ZNF804B: variants seen among roughly 807,000 people sequenced by gnomAD.
The protein encoded by ZNF804B is zinc finger 804B.
In ZNF804B, 80 loss-of-function variants were observed where a neutral mutation model predicts 101.4. That is an observed-to-expected ratio of 0.79 (90% CI 0.66 to 0.95). The LOEUF is 0.95. Ranked by LOEUF, ZNF804B falls within the 40% of genes least tolerant of loss-of-function variation. The pLI is 0.00. For missense variants in ZNF804B, 1,673 were observed against 1,561.9 expected (o/e 1.07, Z -1.20); for synonymous variants, 622 against 558.8 (o/e 1.11, Z -1.59).
chr7:89,335,701 C>T lies in ZNF804B; in HGVS notation c.2719C>T (p.Pro907Ser), dbSNP rs760301046. 6 of 1,613,808 alleles carry T rather than the reference C, an allele frequency of 3.7e-6. No homozygotes were observed. The Admixed American group carries it at 6.7e-5, about 18-fold the overall frequency. ...SCLLKNCSSG[P>S]SETTESNTAE... ...CCTTCTAAAGAACTGTTCCAGTGGC[C>T]CTTCAGAAACCACAGAATCAAACAC... Residue 907 changes from proline to serine, a missense_variant, in exon 4 of 4, where the codon CCT becomes TCT. Pro to Ser is a moderately conservative substitution (Grantham distance 74). Coordinates refer to ENST00000333190, the MANE Select transcript of ZNF804B (RefSeq NM_181646.5).
At chr7:89,313,421 A>G (rs1182820637) in intron 2 of ZNF804B, among the ~76,000 whole-genome samples, 1 of 152,206 alleles carries the variant, frequency 6.6e-6, no homozygotes, top group Non-Finnish European at 1.5e-5. Flanking sequence ...TTCACTTCAC[A>G]TGTGTGTTCT....
At chr7:88,868,947 G>C (rs188584469) in intron 1 of ZNF804B, among the ~76,000 whole-genome samples, 5 of 152,242 alleles carry the variant, frequency 3.3e-5, no homozygotes, top group Admixed American at 1.3e-4. Flanking sequence ...ATTTTTAGTG[G>C]AGTGAGAAGA....
intron 1 of ZNF804B, among the ~76,000 whole-genome samples, chr7:88,863,835 GGAA>G (rs1583983669): frequency 2.0e-5 from 3 of 152,190 alleles, no homozygotes; most frequent in Non-Finnish European, 4.4e-5. Flanking sequence ...CATGGCAGTT[GGAA>G]GAAGAAGACC....
chr7:88,944,686 T>G (rs1793101867), intron 1 of ZNF804B, among the ~76,000 whole-genome samples: 1 of 151,916 alleles, frequency 6.6e-6, no homozygotes, highest in South Asian at 2.1e-4. Flanking sequence ...CCAGAGTCAT[T>G]TAAAATATAC....
In ZNF804B at chr7:89,246,289, G is replaced by A. The variant is rs557664773; in HGVS notation, c.249+27994G>A. ...TAAGACTTGCAGCCAGGAGCAGTTT[G>A]TCAACCTGGAACTGTCATTTTTCAG... On this transcript the variant is annotated intron_variant, in intron 2 of 3. Transcript: ENST00000333190. 6.6e-5 allele frequency among the ~76,000 whole-genome samples: 10 copies of A among 152,296 alleles called. No individual in the cohort carries two copies. The South Asian group carries it at 2.1e-3, about 32-fold the overall frequency.
rs374312376 is a variant in ZNF804B at position 89,226,041 on chromosome 7, CAT to C, written c.249+7747_249+7748del. Among the ~76,000 whole-genome samples, 650 of 152,062 alleles carry C rather than the reference CAT, an allele frequency of 4.3e-3. 1 individual carries two copies. Among genetic ancestry groups the C allele is most frequent in the African/African-American group, 0.015 (606 of 41,514 alleles). On this transcript the variant is annotated intron_variant, in intron 2 of 3. Coordinates refer to ENST00000333190, the MANE Select transcript of ZNF804B (RefSeq NM_181646.5). ...GTCAATGGATTACAAAATGTGAACACATGTTTTGCATAACTAGTAATCAACTA... is the reference window on the plus strand; with the variant it reads ...GTCAATGGATTACAAAATGTGAACACGTTTTGCATAACTAGTAATCAACTA...
chr7:88,805,762 A>G (rs1790676528), intron 1 of ZNF804B, among the ~76,000 whole-genome samples: 1 of 152,168 alleles, frequency 6.6e-6, no homozygotes, highest in Admixed American at 6.5e-5. Context: ...CTCCATCATC[A>G]TCATGAATGC....
intron 2 of ZNF804B, among the ~76,000 whole-genome samples, chr7:89,282,257 T>C (rs985015623): frequency 5.9e-5 from 9 of 151,596 alleles, no homozygotes; most frequent in Middle Eastern, 3.4e-3. Flanking sequence ...ATCTGGTTAC[T>C]GCTTTTAACC....
intron 1 of ZNF804B, among the ~76,000 whole-genome samples, chr7:88,772,823 A>G (rs1790088504): frequency 6.6e-6 from 1 of 152,152 alleles, no homozygotes; most frequent in African/African-American, 2.4e-5. Flanking sequence ...TAAAGCTATG[A>G]TATCCTTTGT....
intron 1 of ZNF804B, among the ~76,000 whole-genome samples, chr7:89,017,086 CT>C (rs1351582683): frequency 6.6e-6 from 1 of 152,110 alleles, no homozygotes; most frequent in African/African-American, 2.4e-5. Flanking sequence ...GTATTTTATT[CT>C]CTTTGAAGCA....
At chr7:88,852,267 T>A (rs1332333223) in intron 1 of ZNF804B, among the ~76,000 whole-genome samples, 1 of 152,104 alleles carries the variant, frequency 6.6e-6, no homozygotes, top group Non-Finnish European at 1.5e-5. Flanking sequence ...TAGTATGTAT[T>A]TCCTAGTTGT....
At chr7:89,213,294 C>T (rs1243027976) in intron 1 of ZNF804B, among the ~76,000 whole-genome samples, 1 of 152,092 alleles carries the variant, frequency 6.6e-6, no homozygotes. Flanking sequence ...AGTAGGATTT[C>T]ATTTGGGGCT....
intron 1 of ZNF804B, among the ~76,000 whole-genome samples, chr7:89,005,355 T>C (rs1165945806): frequency 6.6e-6 from 1 of 152,018 alleles, no homozygotes; most frequent in Non-Finnish European, 1.5e-5. Context: ...TTGTTGTTGT[T>C]GTTGTTCCTT....
At position 88,759,973 on chromosome 7, in the gene ZNF804B, C is replaced by T. The variant is rs199660268; in HGVS notation, c.-4C>T. The stretch of plus-strand genomic sequence containing the variant: ...TGAGACTCTGCGCCTCCGCCCGGAC[C>T]CACATGGCTTGTTACCTGGTCATCA... On this transcript the variant is annotated 5_prime_UTR_variant, in exon 1 of 4. Coordinates refer to ENST00000333190, the MANE Select transcript of ZNF804B (RefSeq NM_181646.5). 1.9e-4 allele frequency: 310 copies of T among 1,613,914 alleles called. No homozygotes were observed. The highest frequency in any genetic ancestry group is 2.6e-4 in the Non-Finnish European group (305 of 1,179,800).
chr7:89,327,457 AAGGCAGC>A lies in ZNF804B; in HGVS notation c.365_371del (p.Arg122AsnfsTer17). Reference sequence around the variant, plus strand: ...AACGACTTCATCAGCTGGCTGAGTTAAGGCAGCAATCTGAATGGTAAGAATTAAAGGT... The same window carrying A: ...AACGACTTCATCAGCTGGCTGAGTTAAATCTGAATGGTAAGAATTAAAGGT... On this transcript the variant is annotated frameshift_variant, in exon 3 of 4. Transcript: ENST00000333190. LOFTEE classifies it high-confidence loss of function. 6.2e-7 allele frequency: 1 copy of A among 1,610,904 alleles called. No homozygotes were observed.
intron 1 of ZNF804B, among the ~76,000 whole-genome samples, chr7:88,932,378 A>G (rs1584023981): frequency 1.3e-5 from 2 of 152,084 alleles, no homozygotes; most frequent in East Asian, 3.9e-4. Flanking sequence ...AACCCAGCAT[A>G]AGAAAAGAAA....
At chr7:88,872,829 A>G (rs1230681112) in intron 1 of ZNF804B, among the ~76,000 whole-genome samples, 1 of 149,550 alleles carries the variant, frequency 6.7e-6, no homozygotes, top group Non-Finnish European at 1.5e-5. Flanking sequence ...ATAGTATTCC[A>G]TGGTGTATAT....
chr7:89,088,347 G>A (rs931400181), intron 1 of ZNF804B, among the ~76,000 whole-genome samples: 5 of 151,930 alleles, frequency 3.3e-5, no homozygotes, highest in African/African-American at 1.2e-4. Flanking sequence ...GTGGATATAG[G>A]AGCTGAGAAT....
At chr7:88,937,033 C>T (rs770181519) in intron 1 of ZNF804B, among the ~76,000 whole-genome samples, 4 of 142,724 alleles carry the variant, frequency 2.8e-5, no homozygotes, top group Non-Finnish European at 4.5e-5. Flanking sequence ...ATAATTCTAG[C>T]AAAATAGCAG....
Sources: allele counts gnomAD v4.1 joint callset (sites outside exome capture counted in the v4.1 genomes callset), GRCh38; gene constraint gnomAD v4.1.1; transcripts MANE v1.5; gene names NCBI Gene and HGNC (gene_info 2026-07-23, HGNC 2026-07-21).